The following UNC13C variants were observed in gnomAD, a reference collection of about 807,000 sequenced individuals.
UNC13C encodes protein unc-13 homolog C.
A neutral mutation model predicts 245.4 loss-of-function variants in UNC13C; 174 were observed. The ratio of observed to expected loss-of-function variants is 0.71; its 90% confidence interval spans 0.63 to 0.80. The LOEUF is 0.80. Ranked by LOEUF, UNC13C falls within the 30% of genes least tolerant of loss-of-function variation. The pLI, the probability that UNC13C is intolerant of heterozygous loss-of-function variation, is 0.00. For synonymous variants in UNC13C, 992 were observed against 895.1 expected (o/e 1.11, Z -1.93); for missense variants, 2,829 against 2,602.9 (o/e 1.09, Z -1.89).
In UNC13C at chr15:54,458,156, C is replaced by T. The variant is rs76659554; in HGVS notation, c.4934-36452C>T. Among the ~76,000 whole-genome samples, 1,291 of 151,980 alleles carry T rather than the reference C, an allele frequency of 8.5e-3. 12 individuals are homozygous for T. The highest frequency in any genetic ancestry group is 0.017 in the Admixed American group (258 of 15,250). On this transcript the variant is annotated intron_variant, in intron 19 of 32. Transcript: ENST00000260323. ...TTTCATTGTTGATCCAAATATCATT[C>T]GGGGCAGATTATTTAATTTTTATGT...
chr15:54,101,186 G>T (rs1900143167), intron 2 of UNC13C, among the ~76,000 whole-genome samples: 1 of 151,790 alleles, frequency 6.6e-6, no homozygotes, highest in South Asian at 2.1e-4. Context: ...TGGATAACCT[G>T]TTAATCTGCT....
chr15:53,923,963 T>C, the UNC13C span, among the ~76,000 whole-genome samples: 1 of 152,116 alleles, frequency 6.6e-6, no homozygotes, highest in Non-Finnish European at 1.5e-5. Context: ...TCCCAGCACT[T>C]TGGGAGGCTG....
intron 30 of UNC13C, among the ~76,000 whole-genome samples, chr15:54,593,429 T>C (rs1898909435): frequency 6.6e-6 from 1 of 152,152 alleles, no homozygotes; most frequent in South Asian, 2.1e-4. Context: ...AATTGAATTA[T>C]TCCTCAAGAA....
At chr15:54,538,641 T>C (rs1313029380) in intron 26 of UNC13C, among the ~76,000 whole-genome samples, 1 of 151,988 alleles carries the variant, frequency 6.6e-6, no homozygotes, top group African/African-American at 2.4e-5. Context: ...GTGGTACATA[T>C]ACATCATGGA....
the UNC13C span, among the ~76,000 whole-genome samples, chr15:53,953,044 A>G: frequency 6.6e-6 from 1 of 152,212 alleles, no homozygotes. Context: ...ATAGATATGA[A>G]TAAGTTGTAA....
chr15:54,043,551 G>A (rs1030372439), intron 2 of UNC13C, among the ~76,000 whole-genome samples: 2 of 152,156 alleles, frequency 1.3e-5, no homozygotes, highest in Admixed American at 6.5e-5. Flanking sequence ...TCTTAGGTAG[G>A]AGCAAAGATG....
the UNC13C span, among the ~76,000 whole-genome samples, chr15:53,918,101 G>A: frequency 2.0e-5 from 3 of 152,316 alleles, no homozygotes; most frequent in East Asian, 5.8e-4. Context: ...TGCTTAAAAT[G>A]TGGATTGTTT....
rs573757329 is a variant in UNC13C at position 54,438,320 on chromosome 15, A to G, written c.4933+23253A>G. ...ACTAAAATATGGATGGAATATAAAG[A>G]CGCCCAACTGTTTGCTCTTCTTCTA... On this transcript the variant is annotated intron_variant, in intron 19 of 32. Coordinates refer to ENST00000260323, the MANE Select transcript of UNC13C (RefSeq NM_001080534.3). Among the ~76,000 whole-genome samples, 953 of 152,040 alleles carry G rather than the reference A, an allele frequency of 6.3e-3. 14 individuals are homozygous for G. The highest frequency in any genetic ancestry group is 0.022 in the African/African-American group (919 of 41,524).
chr15:53,959,549 G>A, the UNC13C span, among the ~76,000 whole-genome samples: 1 of 152,132 alleles, frequency 6.6e-6, no homozygotes, highest in Non-Finnish European at 1.5e-5. Flanking sequence ...GTTTAACTCT[G>A]TTGATTTTTC....
At chr15:54,541,838 T>A (rs1214184873) in intron 26 of UNC13C, among the ~76,000 whole-genome samples, 1 of 152,136 alleles carries the variant, frequency 6.6e-6, no homozygotes, top group South Asian at 2.1e-4. Flanking sequence ...AATAGGTAAA[T>A]TTTTATTCTT....
intron 4 of UNC13C, among the ~76,000 whole-genome samples, chr15:54,175,303 C>T (rs2033568688): frequency 6.6e-6 from 1 of 151,994 alleles, no homozygotes; most frequent in Admixed American, 6.6e-5. Context: ...CAAGGAAAGA[C>T]TAAAGAGGAA....
the UNC13C span, among the ~76,000 whole-genome samples, chr15:53,859,463 A>C: frequency 6.6e-6 from 1 of 152,192 alleles, no homozygotes; most frequent in Admixed American, 6.5e-5. Context: ...TTCCCACTGA[A>C]AACATTAAAC....
chr15:54,371,091 G>A (rs542688724), intron 17 of UNC13C, among the ~76,000 whole-genome samples: 33 of 152,104 alleles, frequency 2.2e-4, no homozygotes, highest in Admixed American at 1.9e-3. Context: ...ATTACATATT[G>A]TACAATTGAT....
At position 54,507,107 on chromosome 15, in the gene UNC13C, T is replaced by C. The variant is rs550591519; in HGVS notation, c.5302-10T>C. On this transcript the variant is annotated splice_polypyrimidine_tract_variant and intron_variant, in intron 22 of 32. Transcript: ENST00000260323. Reference sequence around the variant, plus strand: ...TACCTGGGTAAAGTTCACAATGTTTTCTTTCTTAGACTATCAATAAAGTGC... The same window carrying C: ...TACCTGGGTAAAGTTCACAATGTTTCCTTTCTTAGACTATCAATAAAGTGC... The C allele has an allele frequency of 3.9e-5, 62 of 1,574,298 alleles. No individual in the cohort carries two copies. The highest frequency in any genetic ancestry group is 5.2e-5 in the Non-Finnish European group (60 of 1,155,982).
At position 54,013,359 on chromosome 15, in the gene UNC13C, C is replaced by G; in HGVS notation, c.456C>G (p.Arg152=). ...AQSTHTMPVR[R]NRKSSSSLAP... ...CAACACACACAATGCCAGTTAGACG[C>G]AACAGAAAGAGTTCAAGCAGCCTTG... The change falls in exon 2 of 33, where the codon CGC becomes CGG. Residue 152 remains arginine (R), a synonymous_variant. Coordinates refer to ENST00000260323, the MANE Select transcript of UNC13C (RefSeq NM_001080534.3). The G allele has an allele frequency of 6.2e-7, 1 of 1,613,834 alleles. No homozygotes were observed. The highest frequency in any genetic ancestry group is 2.2e-5 in the East Asian group (1 of 44,880).
intron 19 of UNC13C, among the ~76,000 whole-genome samples, chr15:54,443,174 C>T (rs62010136): frequency 0.15 from 22,776 of 151,918 alleles, 2,137 homozygotes; most frequent in Non-Finnish European, 0.2. Context: ...TATCCATTTC[C>T]TCTAGGTTTT....
intron 19 of UNC13C, among the ~76,000 whole-genome samples, chr15:54,477,222 G>T (rs917097008): frequency 8.5e-6 from 1 of 118,056 alleles, no homozygotes; most frequent in African/African-American, 3.3e-5. Flanking sequence ...AGACGATGGG[G>T]TTTTCTAGAT....
intron 5 of UNC13C, among the ~76,000 whole-genome samples, chr15:54,235,861 T>A (rs1240630297): frequency 6.6e-6 from 1 of 151,918 alleles, no homozygotes; most frequent in Non-Finnish European, 1.5e-5. Context: ...AAAATAAAAA[T>A]AAAAATAATA....
chr15:54,244,307 C>G (rs1288122391), intron 7 of UNC13C, among the ~76,000 whole-genome samples: 1 of 152,090 alleles, frequency 6.6e-6, no homozygotes, highest in Non-Finnish European at 1.5e-5. Flanking sequence ...TTTCTTATTT[C>G]TCTATTCCAT....
Sources: allele counts gnomAD v4.1 joint callset (sites outside exome capture counted in the v4.1 genomes callset), GRCh38; gene constraint gnomAD v4.1.1; transcripts MANE v1.5; gene names NCBI Gene and HGNC (gene_info 2026-07-23, HGNC 2026-07-21).